The following IFT43 variants were observed in gnomAD, a reference collection of about 807,000 sequenced individuals.
The protein encoded by IFT43 is intraflagellar transport 43.
In IFT43, 33 loss-of-function variants were observed where a neutral mutation model predicts 32.3. The ratio of observed to expected loss-of-function variants is 1.02; its 90% CI spans 0.77 to 1.37. The LOEUF (loss-of-function observed/expected upper bound fraction) is 1.37. Among genes scored for constraint, IFT43 ranks in the 40% most tolerant of loss-of-function variants. IFT43 has a pLI of 0.00. For missense variants in IFT43, 274 were observed against 265.9 expected, an observed-to-expected ratio of 1.03 and a Z score of -0.21; for synonymous variants, 93 against 98.2, an observed-to-expected ratio of 0.95 and a Z score of 0.31.
At chr14:76,015,026 G>C (rs2036158336) in intron 2 of IFT43, among the ~76,000 whole-genome samples, 1 of 152,172 alleles carries the variant, frequency 6.6e-6, no homozygotes, top group Non-Finnish European at 1.5e-5. Context: ...GGAACATTTG[G>C]GACAGGGATG....
intron 5 of IFT43, chr14:76,076,549 T>C (rs1460577961): frequency 6.2e-7 from 1 of 1,611,690 alleles, no homozygotes; most frequent in Non-Finnish European, 8.5e-7. Context: ...GCTTGGGGTA[T>C]ACTCATTGCA....
intron 3 of IFT43, among the ~76,000 whole-genome samples, chr14:76,034,653 C>T (rs2036567307): frequency 6.6e-6 from 1 of 152,270 alleles, no homozygotes; most frequent in South Asian, 2.1e-4. Flanking sequence ...TCTGGGATAC[C>T]TTGGCTTTAT....
intron 3 of IFT43, among the ~76,000 whole-genome samples, chr14:76,025,512 A>G (rs2036374387): frequency 6.6e-6 from 1 of 152,176 alleles, no homozygotes; most frequent in Non-Finnish European, 1.5e-5. Context: ...AACTAAAACA[A>G]AAACAAAAAA....
intron 2 of IFT43, among the ~76,000 whole-genome samples, chr14:76,006,486 A>T (rs549575910): frequency 6.6e-6 from 1 of 152,314 alleles, no homozygotes; most frequent in East Asian, 1.9e-4. Context: ...AAGCTGAGAA[A>T]GAGACTGTAG....
chr14:76,006,250 TAGAG>T lies in IFT43; in HGVS notation c.148-16074_148-16071del. ...GTTAATCTAAAAAGGCCTCTAGAGT[TAGAG>T]AGGTCGGCAGTGTGCTGTTTCAAGG... On this transcript the variant is annotated intron_variant, in intron 2 of 8. Coordinates refer to ENST00000314067, the MANE Select transcript of IFT43 (RefSeq NM_001102564.3). Among the ~76,000 whole-genome samples, 5 of 152,302 alleles carry T rather than the reference TAGAG, an allele frequency of 3.3e-5. No homozygotes were observed. The South Asian group carries it at 1.0e-3, about 32-fold the overall frequency.
chr14:76,045,415 T>C (rs546443861), intron 3 of IFT43, among the ~76,000 whole-genome samples: 7 of 152,384 alleles, frequency 4.6e-5, no homozygotes, highest in African/African-American at 9.6e-5. Context: ...AGGATTTGTA[T>C]TCCTTCCTGA....
chr14:75,986,160 T>A, intron 1 of IFT43: 1 of 1,350,042 alleles, frequency 7.4e-7, no homozygotes, highest in East Asian at 4.3e-5. Context: ...AACAGATCGA[T>A]CACAGGGTGA....
At chr14:76,036,477 C>T (rs1368795033) in intron 3 of IFT43, among the ~76,000 whole-genome samples, 1 of 140,494 alleles carries the variant, frequency 7.1e-6, no homozygotes, top group African/African-American at 2.7e-5. Flanking sequence ...GTGATCTCGG[C>T]TCACTGAGTC....
intron 2 of IFT43, among the ~76,000 whole-genome samples, chr14:76,019,591 C>G (rs1443142339): frequency 6.6e-6 from 1 of 152,114 alleles, no homozygotes; most frequent in South Asian, 2.1e-4. Context: ...TTCAAGCTTC[C>G]TGTATCTGAA....
At chr14:76,023,178 C>A (rs994487017) in intron 3 of IFT43, among the ~76,000 whole-genome samples, 8 of 152,198 alleles carry the variant, frequency 5.3e-5, no homozygotes, top group African/African-American at 1.9e-4. Flanking sequence ...AAGATGTTTA[C>A]CATGGCTGAG....
At chr14:76,069,222 G>A (rs1015547910) in intron 5 of IFT43, among the ~76,000 whole-genome samples, 11 of 152,114 alleles carry the variant, frequency 7.2e-5, no homozygotes, top group African/African-American at 2.4e-4. Context: ...GAGGGGAGAC[G>A]CCACACACTT....
chr14:76,003,355 G>C (rs1178091144), intron 2 of IFT43, among the ~76,000 whole-genome samples: 3 of 152,000 alleles, frequency 2.0e-5, no homozygotes. Context: ...GGGTTTGGTG[G>C]CTCACTCCTG....
rs753666076 is a variant in IFT43 at position 76,082,289 on chromosome 14, T to C, written c.296-6T>C. On this transcript the variant is annotated splice_polypyrimidine_tract_variant and splice_region_variant and intron_variant, in intron 5 of 8. Coordinates refer to ENST00000314067, the MANE Select transcript of IFT43 (RefSeq NM_001102564.3). The stretch of plus-strand genomic sequence containing the variant: ...CAGACAGTGTTGCCTCTGCCTCTCC[T>C]TGCAGATATTCCTATCATTCCGGAT... 20 of 1,613,594 alleles carry C rather than the reference T, an allele frequency of 1.2e-5. No homozygotes were observed. In the South Asian group the frequency reaches 2.2e-4, roughly 18 times the overall value.
chr14:76,073,576 G>A (rs940308811), intron 5 of IFT43, among the ~76,000 whole-genome samples: 8 of 152,120 alleles, frequency 5.3e-5, no homozygotes, highest in Admixed American at 3.9e-4. Flanking sequence ...AGAGATGTCC[G>A]GTGTGTGTGT....
intron 2 of IFT43, among the ~76,000 whole-genome samples, chr14:75,992,765 T>A (rs2035667934): frequency 6.6e-6 from 1 of 152,176 alleles, no homozygotes; most frequent in South Asian, 2.1e-4. Flanking sequence ...GGTCTCAAAC[T>A]CCTGGCCTCA....
intron 5 of IFT43, 30 bp from the exon 6 acceptor site, chr14:76,082,264 CA>C (rs755368532): frequency 2.5e-6 from 4 of 1,603,608 alleles, no homozygotes; most frequent in East Asian, 2.2e-5. Context: ...ATGAGTTCTG[CA>C]GACAGTGTTG....
intron 5 of IFT43, among the ~76,000 whole-genome samples, chr14:76,060,852 TC>T (rs2037120355): frequency 1.4e-5 from 2 of 141,498 alleles, no homozygotes; most frequent in African/African-American, 5.3e-5. Context: ...CTTCCTTCCT[TC>T]CTTCCTTCTT....
At chr14:76,031,985 T>G (rs2037243645) in intron 3 of IFT43, among the ~76,000 whole-genome samples, 1 of 152,216 alleles carries the variant, frequency 6.6e-6, no homozygotes, top group African/African-American at 2.4e-5. Flanking sequence ...GCCATTTGCC[T>G]GCTTGATGTT....
intron 2 of IFT43, among the ~76,000 whole-genome samples, chr14:75,989,798 C>A (rs77684241): frequency 6.6e-6 from 1 of 152,148 alleles, no homozygotes; most frequent in Non-Finnish European, 1.5e-5. Context: ...AGGTTTGCAA[C>A]AGATGAAGAG....
Sources: allele counts gnomAD v4.1 joint callset (sites outside exome capture counted in the v4.1 genomes callset), GRCh38; gene constraint gnomAD v4.1.1; transcripts MANE v1.5; gene names NCBI Gene and HGNC (gene_info 2026-07-23, HGNC 2026-07-21).